Variants in NUP214 observed in about 807,000 individuals in gnomAD.
NUP214 encodes the protein nuclear pore complex protein Nup214.
NUP214 carries 79 observed loss-of-function variants against 196.2 expected under a neutral mutation model. That is an observed-to-expected ratio of 0.40 (90% CI 0.34 to 0.49). The LOEUF (loss-of-function observed/expected upper bound fraction) is 0.49. NUP214 is among the 20% of genes least tolerant of loss of function. The probability of loss-of-function intolerance (pLI) is 0.58; values close to 1 mark genes in which losing one functional copy is unlikely to be tolerated. For synonymous variants in NUP214, 1,020 were observed against 990.5 expected, an observed-to-expected ratio of 1.03 and a Z score of -0.56; for missense variants, 2,468 against 2,539.0, an observed-to-expected ratio of 0.97 and a Z score of 0.60.
chr9:131,150,876 G>T, intron 16 of NUP214, 111 bp downstream of exon 16: 1 of 1,082,682 alleles, frequency 9.2e-7, no homozygotes, highest in Non-Finnish European at 1.3e-6. Flanking sequence ...CAGTGTTGTT[G>T]TTTTTTTAAC....
intron 33 of NUP214, chr9:131,229,810 G>T (rs748649898): frequency 2.0e-6 from 1 of 511,394 alleles, no homozygotes; most frequent in East Asian, 5.5e-5. Flanking sequence ...AAAGAGCCTT[G>T]ACCTCACCAT....
At position 131,233,396 on chromosome 9, in the gene NUP214, CTG is replaced by C. The variant is rs1834931023; in HGVS notation, c.6240-55_6240-54del. The C allele has an allele frequency of 2.0e-6, 3 of 1,518,862 alleles. No individual in the cohort carries two copies. The African/African-American group carries it at 4.2e-5, about 21-fold the overall frequency. 94.1% of individuals were successfully genotyped at this position (1,518,862 alleles called of 1,614,324 possible). A position where few individuals can be genotyped will look rare whatever the true frequency, so the allele number is the denominator to read the frequency against. ...TTGCACACAGGCAGAGCAGCAGAGC[CTG>C]TGACTGCTCTGTGACAGAGCAGCTG... On this transcript the variant is annotated intron_variant, in intron 35 of 35. Transcript: ENST00000359428.
In NUP214 at chr9:131,134,975, T is replaced by A; in HGVS notation, c.909T>A (p.His303Gln). Residue 303 changes from histidine (H) to glutamine (Q), a missense_variant, in exon 8 of 36, where the codon CAT (histidine) becomes CAA (glutamine). By Grantham distance (24) the His-to-Gln change is conservative. Transcript: ENST00000359428. Reference protein sequence around the residue: ...PCYGSCTERQHHYYLSYIEEW... With the variant: ...PCYGSCTERQQHYYLSYIEEW... ...ATGGCAGCTGCACGGAGAGACAGCATCATTACTACCTCAGTTACATTGAGG... is the reference window on the plus strand; with the variant it reads ...ATGGCAGCTGCACGGAGAGACAGCAACATTACTACCTCAGTTACATTGAGG... 1 of 1,613,242 alleles carries A rather than the reference T, an allele frequency of 6.2e-7. No homozygotes were observed. The highest frequency in any genetic ancestry group is 1.3e-5 in the African/African-American group (1 of 75,040).
chr9:131,130,132 G>GTTTTTTTTTTTTTTTTTTTTT (rs1245763919), intron 4 of NUP214, among the ~76,000 whole-genome samples: 3 of 46,550 alleles, frequency 6.4e-5, no homozygotes, highest in Non-Finnish European at 1.3e-4. Context: ...ATGATTTCTG[G>GTTTTTTTTTTTTTTTTTTTTT]TTTTGTTTTT....
In NUP214 at chr9:131,198,681, C is replaced by G. The variant is rs2131047766; in HGVS notation, c.5187C>G (p.Ala1729=). The change falls in exon 29 of 36, where the codon GCC becomes GCG. Residue 1729 remains alanine (A), a synonymous_variant. Coordinates refer to ENST00000359428, the MANE Select transcript of NUP214 (RefSeq NM_005085.4). ...TTGGACAGACAACCTTCGGGCAGGC[C>G]TCAGTCTTTGGGCAGTCGGCGAGCA... ...GVFGQTTFGQ[A]SVFGQSASSA... 1 of 1,614,228 alleles carries G rather than the reference C, an allele frequency of 6.2e-7. No homozygotes were observed. The highest frequency in any genetic ancestry group is 2.2e-5 in the East Asian group (1 of 44,890).
chr9:131,174,424 C>T (rs1833045484), intron 22 of NUP214, 106 bp downstream of exon 22: 1 of 994,836 alleles, frequency 1.0e-6, no homozygotes, highest in East Asian at 3.0e-5. Context: ...GTGGTTGGCT[C>T]CAGCCCACTT....
chr9:131,161,827 C>T (rs970815974), intron 18 of NUP214, among the ~76,000 whole-genome samples: 1 of 152,106 alleles, frequency 6.6e-6, no homozygotes, highest in Non-Finnish European at 1.5e-5. Context: ...GTACTTATTA[C>T]CTAGATGACA....
chr9:131,173,356 T>A (rs1196436683), intron 21 of NUP214, among the ~76,000 whole-genome samples: 2 of 5,534 alleles, frequency 3.6e-4, no homozygotes, highest in Non-Finnish European at 1.0e-3. Flanking sequence ...GCACCCAGCC[T>A]TTTTTTTTTT....
chr9:131,164,125 A>T lies in NUP214; in HGVS notation c.2874A>T (p.Pro958=). ...TCTTGGCCAAGAGGAAGACCCCACC[A>T]GTGAGATCCACTGCTCCAGGTAAAG... ...RNFLAKRKTP[P]VRSTAPASLS... is the part of the protein sequence containing the mutation. The change falls in exon 21 of 36, where the codon CCA becomes CCT. Residue 958 remains proline (P), a synonymous_variant. Coordinates refer to ENST00000359428, the MANE Select transcript of NUP214 (RefSeq NM_005085.4). The T allele has an allele frequency of 1.2e-6, 2 of 1,614,134 alleles. No individual in the cohort carries two copies. Among genetic ancestry groups the T allele is most frequent in the Non-Finnish European group, 1.7e-6 (2 of 1,180,006 alleles).
Position 131,146,066 on chromosome 9 carries a change from C to T in NUP214, c.1770-63C>T. ...TAAGTTATCTTTTGATGACATTGCT[C>T]ATGCTAGTGTAAAAGAATCTTCTAG... is the stretch of plus-strand genomic sequence containing the variant. On this transcript the variant is annotated intron_variant, in intron 12 of 35. Coordinates refer to ENST00000359428, the MANE Select transcript of NUP214 (RefSeq NM_005085.4). The surrounding 1 kb of genome is among the most constrained non-coding windows in gnomAD (Gnocchi z 4.6). The T allele has an allele frequency of 7.0e-7, 1 of 1,422,788 alleles. No individual in the cohort carries two copies. Among genetic ancestry groups the T allele is most frequent in the South Asian group, 1.2e-5 (1 of 85,520 alleles). 88.1% of individuals were successfully genotyped at this position (1,422,788 alleles called of 1,614,324 possible).
chr9:131,152,104 AT>A (rs567547252), intron 17 of NUP214, among the ~76,000 whole-genome samples: 7,161 of 152,084 alleles, frequency 0.047, 262 homozygotes, highest in African/African-American at 0.1. Flanking sequence ...TAAAACATAG[AT>A]TTTTTTTAAA....
intron 21 of NUP214, among the ~76,000 whole-genome samples, chr9:131,172,493 A>G (rs1439166744): frequency 6.6e-6 from 1 of 151,966 alleles, no homozygotes; most frequent in East Asian, 1.9e-4. Flanking sequence ...ATTTTCTCCC[A>G]TTTTGTAGGT....
chr9:131,139,170 C>A, intron 9 of NUP214, 111 bp from the exon 10 acceptor site: 1 of 1,221,836 alleles, frequency 8.2e-7, no homozygotes, highest in Non-Finnish European at 1.1e-6. Context: ...AGTGAGTCAT[C>A]TCTGTTCTCC....
chr9:131,202,739 G>C (rs1421982095), intron 30 of NUP214, among the ~76,000 whole-genome samples: 1 of 151,898 alleles, frequency 6.6e-6, no homozygotes, highest in Non-Finnish European at 1.5e-5. Context: ...ACTGTGCCTG[G>C]CCAGTTTTTA....
Position 131,174,059 on chromosome 9 carries a change from C to G in NUP214, c.2898C>G (p.Ser966Arg). 1 of 1,612,240 alleles carries G rather than the reference C, an allele frequency of 6.2e-7. No individual in the cohort carries two copies. The highest frequency in any genetic ancestry group is 8.5e-7 in the Non-Finnish European group (1 of 1,179,396). ...TPPVRSTAPA[S>R]LSRSAFLSQR... ...TTTTGTTTGGGGCTTTTGTAGCCAGCCTGTCTCGATCAGCCTTTCTGTCTC... is the reference window on the plus strand; with the variant it reads ...TTTTGTTTGGGGCTTTTGTAGCCAGGCTGTCTCGATCAGCCTTTCTGTCTC... Residue 966 changes from serine to arginine, a missense_variant, in exon 22 of 36, where the codon AGC (serine) becomes AGG (arginine). Around this residue, in one of 5 missense-constraint regions of NUP214, gnomAD observed 1,801 missense variants for 1,779.4 expected, o/e 1.01. Transcript: ENST00000359428.
At chr9:131,144,905 T>A in intron 12 of NUP214, 151 bp downstream of exon 12, 1 of 623,910 alleles carries the variant, frequency 1.6e-6, no homozygotes. Context: ...TCAACCAACA[T>A]AAAATACTGG....
chr9:131,192,713 G>T (rs149225551), intron 27 of NUP214: 1 of 158,150 alleles, frequency 6.3e-6, no homozygotes, highest in African/African-American at 2.4e-5. Context: ...GCCAAGGTGG[G>T]AGGGATTGCT....
chr9:131,183,638 G>C (rs1325312435), intron 24 of NUP214, among the ~76,000 whole-genome samples: 3 of 152,122 alleles, frequency 2.0e-5, no homozygotes, highest in Admixed American at 6.5e-5. Flanking sequence ...AAGAATTCTA[G>C]ATTGGCAGTT....
chr9:131,154,889 G>A (rs1437704176), intron 17 of NUP214, among the ~76,000 whole-genome samples: 3 of 152,000 alleles, frequency 2.0e-5, no homozygotes, highest in South Asian at 4.1e-4. Flanking sequence ...TTATCCACTC[G>A]TTGATTGATG....
Sources: gnomAD v4.1 joint callset for allele counts (sites outside exome capture counted in the v4.1 genomes callset) on GRCh38, gnomAD v4.1.1 for gene constraint, gnomAD v4.1.1 regional missense constraint, Gnocchi (gnomAD v3.1) non-coding constraint, MANE v1.5 for transcripts, NCBI Gene and HGNC (gene_info 2026-07-23, HGNC 2026-07-21) for gene names.